The following CDK14 variants were observed in gnomAD, a reference collection of about 807,000 sequenced individuals.
CDK14 encodes cyclin dependent kinase 14, also known as cyclin-dependent kinase 14.
In CDK14, 34 loss-of-function variants were observed where a neutral mutation model predicts 60.7. That is an observed-to-expected ratio of 0.56 (90% CI 0.43 to 0.75). The LOEUF (loss-of-function observed/expected upper bound fraction) is 0.75, where lower values mean the gene tolerates loss of function less well. Ranked by LOEUF, CDK14 falls within the 30% of genes least tolerant of loss-of-function variation. CDK14 has a pLI of 0.00. For missense variants in CDK14, 482 were observed against 564.1 expected, an observed-to-expected ratio of 0.85 and a Z score of 1.47; for synonymous variants, 197 against 203.7, an observed-to-expected ratio of 0.97 and a Z score of 0.28.
intron 2 of CDK14, among the ~76,000 whole-genome samples, chr7:90,673,206 G>C (rs555252752): frequency 1.3e-5 from 2 of 152,236 alleles, no homozygotes; most frequent in East Asian, 3.9e-4. Flanking sequence ...CAAGCTGTAG[G>C]GCTCTATGGC....
At chr7:90,636,094 A>G (rs1348214925) in intron 2 of CDK14, among the ~76,000 whole-genome samples, 4 of 149,584 alleles carry the variant, frequency 2.7e-5, no homozygotes, top group Non-Finnish European at 5.9e-5. Flanking sequence ...GGACAATTTG[A>G]CTTCCTCTTT....
chr7:90,695,796 G>A (rs780227943), intron 2 of CDK14, among the ~76,000 whole-genome samples: 21 of 152,092 alleles, frequency 1.4e-4, no homozygotes, highest in Non-Finnish European at 2.8e-4. Context: ...ACGGCTTAGT[G>A]TTCTTAAGGA....
chr7:91,113,824 A>G (rs760374481), intron 13 of CDK14, among the ~76,000 whole-genome samples: 16 of 151,800 alleles, frequency 1.1e-4, no homozygotes, highest in Non-Finnish European at 1.6e-4. Context: ...TCTTTTTTTG[A>G]TATCCCACAT....
chr7:90,700,700 C>T lies in CDK14; in HGVS notation c.124-25867C>T, dbSNP rs190873850. ...CCCCCAGCATTTTACTTATTGAATT[C>T]TCTGTGACTCTAGTATTCAGAATTT... On this transcript the variant is annotated intron_variant, in intron 2 of 14. Coordinates refer to ENST00000380050, the MANE Select transcript of CDK14 (RefSeq NM_001287135.2). Among the ~76,000 whole-genome samples the T allele has an allele frequency of 3.0e-3, 460 of 152,228 alleles. 2 individuals carry two copies. The highest frequency in any genetic ancestry group is 0.011 in the African/African-American group (441 of 41,548).
At chr7:90,599,178 T>C (rs1799262310) in intron 1 of CDK14, among the ~76,000 whole-genome samples, 1 of 152,184 alleles carries the variant, frequency 6.6e-6, no homozygotes, top group Admixed American at 6.5e-5. Flanking sequence ...TACAACTCAG[T>C]TTCGTTGTTG....
intron 5 of CDK14, among the ~76,000 whole-genome samples, chr7:90,839,628 A>T (rs1482722849): frequency 6.6e-6 from 1 of 152,238 alleles, no homozygotes; most frequent in Non-Finnish European, 1.5e-5. Flanking sequence ...TATTACATGT[A>T]AGAAACAAAT....
chr7:91,182,399 AC>A (rs1318051125), intron 14 of CDK14, among the ~76,000 whole-genome samples: 1 of 151,880 alleles, frequency 6.6e-6, no homozygotes, highest in Non-Finnish European at 1.5e-5. Context: ...ATTGCCTTTT[AC>A]ATTTTTTTGT....
intron 14 of CDK14, among the ~76,000 whole-genome samples, chr7:91,174,972 C>G (rs1801674864): frequency 6.8e-6 from 1 of 146,240 alleles, no homozygotes; most frequent in African/African-American, 2.6e-5. Context: ...CAAAGATACT[C>G]CTTGAGAAGA....
intron 2 of CDK14, among the ~76,000 whole-genome samples, chr7:90,645,444 A>G (rs1800445209): frequency 6.6e-6 from 1 of 152,036 alleles, no homozygotes; most frequent in Non-Finnish European, 1.5e-5. Context: ...ACTCAAAAGC[A>G]GTTTTAAAAA....
intron 4 of CDK14, among the ~76,000 whole-genome samples, chr7:90,778,915 C>CCT (rs1562765554): frequency 4.8e-5 from 7 of 145,580 alleles, no homozygotes; most frequent in African/African-American, 1.8e-4. Flanking sequence ...TCTCTCCTCT[C>CCT]TCTTTTCTCT....
chr7:90,889,636 T>G (rs992697713), intron 6 of CDK14, among the ~76,000 whole-genome samples: 18 of 152,240 alleles, frequency 1.2e-4, no homozygotes, highest in Admixed American at 1.2e-3. Context: ...TTTTATGTAG[T>G]ATAAAATACT....
intron 14 of CDK14, among the ~76,000 whole-genome samples, chr7:91,150,381 A>G (rs953673333): frequency 2.0e-5 from 3 of 152,134 alleles, no homozygotes; most frequent in Non-Finnish European, 4.4e-5. Flanking sequence ...TAGTCAATCC[A>G]TTTACATTTG....
chr7:90,864,187 CTG>C (rs956064588), intron 6 of CDK14, among the ~76,000 whole-genome samples: 1 of 150,998 alleles, frequency 6.6e-6, no homozygotes, highest in African/African-American at 2.4e-5. Context: ...CTGCCTGTGT[CTG>C]TCATTTGAAA....
chr7:91,135,260 A>G (rs1456329075), intron 14 of CDK14, among the ~76,000 whole-genome samples: 1 of 151,322 alleles, frequency 6.6e-6, no homozygotes, highest in Non-Finnish European at 1.5e-5. Context: ...CTGCTGAGGG[A>G]AAAAAAAAGA....
At chr7:90,849,655 C>A (rs1790582856) in intron 5 of CDK14, among the ~76,000 whole-genome samples, 2 of 151,914 alleles carry the variant, frequency 1.3e-5, no homozygotes, top group South Asian at 4.1e-4. Flanking sequence ...ATAACTTTTA[C>A]CACATCGTGA....
intron 14 of CDK14, among the ~76,000 whole-genome samples, chr7:91,175,763 C>G (rs1334801901): frequency 1.4e-5 from 2 of 147,718 alleles, no homozygotes; most frequent in Non-Finnish European, 3.0e-5. Context: ...AGCTAACTAT[C>G]CTAAATATAT....
At chr7:91,168,324 C>G (rs920837596) in intron 14 of CDK14, among the ~76,000 whole-genome samples, 4 of 150,292 alleles carry the variant, frequency 2.7e-5, no homozygotes, top group Non-Finnish European at 4.4e-5. Flanking sequence ...AATAAATTAA[C>G]TTTTGTAATG....
At chr7:90,896,582 A>G (rs1449826246) in intron 6 of CDK14, among the ~76,000 whole-genome samples, 1 of 152,146 alleles carries the variant, frequency 6.6e-6, no homozygotes, top group African/African-American at 2.4e-5. Context: ...CTAGGTAACA[A>G]TTAGGGCTCA....
intron 5 of CDK14, among the ~76,000 whole-genome samples, chr7:90,813,052 A>G (rs1412270648): frequency 6.6e-6 from 1 of 152,196 alleles, no homozygotes; most frequent in Non-Finnish European, 1.5e-5. Flanking sequence ...TAAATAAAAT[A>G]TGGTATATTT....
Sources: gnomAD v4.1 joint callset for allele counts (sites outside exome capture counted in the v4.1 genomes callset) on GRCh38, gnomAD v4.1.1 for gene constraint, MANE v1.5 for transcripts, NCBI Gene and HGNC (gene_info 2026-07-23, HGNC 2026-07-21) for gene names.